TGFBR3: variants seen among roughly 807,000 people sequenced by gnomAD.
TGFBR3 encodes the protein transforming growth factor beta receptor 3, also known as transforming growth factor beta receptor type 3.
TGFBR3 carries 46 observed loss-of-function variants against 87.9 expected under a neutral mutation model. The ratio of observed to expected loss-of-function variants is 0.52; its 90% CI spans 0.41 to 0.67. TGFBR3 has a LOEUF of 0.67. Among genes scored for constraint, TGFBR3 ranks in the 30% least tolerant of loss-of-function variants. The pLI is 0.00. For synonymous variants in TGFBR3, 381 were observed against 391.6 expected (o/e 0.97, Z 0.32); for missense variants, 866 against 1,041.9 (o/e 0.83, Z 2.32).
chr1:91,682,424 T>TA lies in TGFBR3; in HGVS notation c.*1314_*1315insT. 7 of 426,030 alleles carry TA rather than the reference T, an allele frequency of 1.6e-5. 1 individual carries two copies. Among genetic ancestry groups the TA allele is most frequent in the Admixed American group, 2.9e-5 (1 of 34,876 alleles). The allele number at this position is 426,030 out of a possible 1,614,324, so 26.4% of individuals were successfully genotyped here. On this transcript the variant is annotated 3_prime_UTR_variant, in exon 17 of 17. Transcript: ENST00000212355. ...GCATTCTTTTTTTTTTTTTTTTTTT[T>TA]TAACAAGGAGGTATCACTGAGCTTA... is the stretch of plus-strand genomic sequence containing the variant.
intron 6 of TGFBR3, 111 bp downstream of exon 6, chr1:91,729,694 T>A: frequency 7.9e-7 from 1 of 1,258,210 alleles, no homozygotes; most frequent in South Asian, 1.2e-5. Flanking sequence ...ATGGCTCCCT[T>A]CCCTCCTGCG....
intron 2 of TGFBR3, among the ~76,000 whole-genome samples, chr1:91,806,203 C>T (rs1482027857): frequency 6.6e-6 from 1 of 152,168 alleles, no homozygotes; most frequent in South Asian, 2.1e-4. Flanking sequence ...TAAGATCTCG[C>T]TATAACATCA....
chr1:91,826,238 AG>A (rs1309783136), intron 2 of TGFBR3, among the ~76,000 whole-genome samples: 3 of 152,068 alleles, frequency 2.0e-5, no homozygotes, highest in Admixed American at 6.5e-5. Context: ...GTCCCCTAGA[AG>A]GCTGCCGAGG....
intron 7 of TGFBR3, among the ~76,000 whole-genome samples, chr1:91,726,545 C>T (rs926938499): frequency 4.7e-5 from 7 of 150,534 alleles, no homozygotes; most frequent in Non-Finnish European, 7.4e-5. Context: ...AAAAAACCCA[C>T]GGGAACCAGA....
upstream of TGFBR3, among the ~76,000 whole-genome samples, chr1:91,888,906 G>C (rs959131423): frequency 6.6e-6 from 1 of 152,046 alleles, no homozygotes; most frequent in African/African-American, 2.4e-5. Flanking sequence ...TTTTGAGACA[G>C]AGTCTCGCTC....
At chr1:91,705,384 TG>T in intron 14 of TGFBR3, among the ~76,000 whole-genome samples, 1 of 151,884 alleles carries the variant, frequency 6.6e-6, no homozygotes, top group Non-Finnish European at 1.5e-5. Context: ...CCATGACGCC[TG>T]GCTAATTTTT....
At chr1:91,692,438 T>C (rs1458159689) in intron 16 of TGFBR3, among the ~76,000 whole-genome samples, 1 of 152,114 alleles carries the variant, frequency 6.6e-6, no homozygotes, top group African/African-American at 2.4e-5. Context: ...TTTAAACTAT[T>C]TGCATGTACT....
intron 2 of TGFBR3, among the ~76,000 whole-genome samples, chr1:91,848,899 G>A (rs969284840): frequency 6.6e-6 from 1 of 152,200 alleles, no homozygotes; most frequent in African/African-American, 2.4e-5. Flanking sequence ...TTCTTTAGAT[G>A]GTTTGGGGAG....
chr1:91,778,216 A>T (rs1674639821), intron 3 of TGFBR3, among the ~76,000 whole-genome samples: 1 of 151,762 alleles, frequency 6.6e-6, no homozygotes, highest in Non-Finnish European at 1.5e-5. Flanking sequence ...TTTACATTTC[A>T]GCTCTTAGGT....
At chr1:91,690,918 TC>T (rs1463040533) in intron 16 of TGFBR3, among the ~76,000 whole-genome samples, 2 of 152,252 alleles carry the variant, frequency 1.3e-5, no homozygotes, top group Admixed American at 6.5e-5. Flanking sequence ...TCTTTTTTTT[TC>T]CTCATTCTTA....
upstream of TGFBR3, among the ~76,000 whole-genome samples, chr1:91,889,468 T>G (rs901819255): frequency 1.3e-5 from 2 of 152,112 alleles, no homozygotes; most frequent in African/African-American, 4.8e-5. Flanking sequence ...TTAGTTTCAG[T>G]AGATGATATG....
At chr1:91,870,108 A>T (rs1426247594) in intron 1 of TGFBR3, among the ~76,000 whole-genome samples, 1 of 152,240 alleles carries the variant, frequency 6.6e-6, no homozygotes, top group African/African-American at 2.4e-5. Context: ...GTAAACAAAA[A>T]TTATTTAAAT....
intron 2 of TGFBR3, among the ~76,000 whole-genome samples, chr1:91,802,721 T>C (rs1412968029): frequency 6.6e-6 from 1 of 152,176 alleles, no homozygotes; most frequent in Non-Finnish European, 1.5e-5. Context: ...CATCTACTTT[T>C]GTCTCATGGA....
rs1487203780 is a variant in TGFBR3, at chr1:91,681,104, A to G, written c.*2635T>C. Reference sequence around the variant, plus strand: ...GAAATAACAAAAGACTGCAGATACAAGAGTTCAGCTGAAATACAACAATAC... The same window carrying G: ...GAAATAACAAAAGACTGCAGATACAGGAGTTCAGCTGAAATACAACAATAC... On this transcript the variant is annotated 3_prime_UTR_variant, in exon 17 of 17. Coordinates refer to ENST00000212355, the MANE Select transcript of TGFBR3 (RefSeq NM_003243.5). 6 of 454,048 alleles carry G rather than the reference A, an allele frequency of 1.3e-5. No individual in the cohort carries two copies. Among genetic ancestry groups the G allele is most frequent in the Non-Finnish European group, 2.6e-5 (6 of 226,812 alleles). 28.1% of individuals were successfully genotyped at this position (454,048 alleles called of 1,614,324 possible). A position where few individuals can be genotyped will look rare whatever the true frequency, so the allele number is the denominator to read the frequency against.
chr1:91,760,087 A>G (rs1387725452), intron 3 of TGFBR3, among the ~76,000 whole-genome samples: 1 of 152,212 alleles, frequency 6.6e-6, no homozygotes, highest in East Asian at 1.9e-4. Context: ...CACTCAGCAA[A>G]TGTCAAAATA....
chr1:91,885,009 T>G (rs577168025), intron 1 of TGFBR3, among the ~76,000 whole-genome samples: 1 of 152,248 alleles, frequency 6.6e-6, no homozygotes, highest in East Asian at 1.9e-4. Context: ...CTAACCTCCG[T>G]GCGGTGCTTA....
chr1:91,717,197 C>A (rs17879525), intron 10 of TGFBR3, among the ~76,000 whole-genome samples: 3 of 152,088 alleles, frequency 2.0e-5, no homozygotes, highest in African/African-American at 7.2e-5. Flanking sequence ...GAGTCAGCAG[C>A]GAAGGACCTA....
chr1:91,751,916 A>G (rs180914086), intron 4 of TGFBR3, among the ~76,000 whole-genome samples: 1 of 152,332 alleles, frequency 6.6e-6, no homozygotes, highest in Non-Finnish European at 1.5e-5. Flanking sequence ...GGGATATAAC[A>G]TCTAGCAGTC....
chr1:91,896,150 C>T (rs1679546864), intron 2 of TGFBR3, among the ~76,000 whole-genome samples: 1 of 152,196 alleles, frequency 6.6e-6, no homozygotes, highest in Admixed American at 6.5e-5. Context: ...TTCCTTAAAG[C>T]AGGCTCCCTG....
Sources: allele counts gnomAD v4.1 joint callset (sites outside exome capture counted in the v4.1 genomes callset), GRCh38; gene constraint gnomAD v4.1.1; transcripts MANE v1.5; gene names NCBI Gene and HGNC (gene_info 2026-07-23, HGNC 2026-07-21).